The following PITPNM2 variants were observed in gnomAD, a reference collection of about 807,000 sequenced individuals.
PITPNM2 encodes phosphatidylinositol transfer protein membrane associated 2.
In PITPNM2, 35 loss-of-function variants were observed where a neutral mutation model predicts 132.2. The observed-to-expected ratio is 0.26, with a 90% CI of 0.20 to 0.35. The LOEUF is 0.35. Among genes scored for constraint, PITPNM2 ranks in the 10% least tolerant of loss-of-function variants. The probability of loss-of-function intolerance (pLI) is 1.00; values close to 1 mark genes in which losing one functional copy is unlikely to be tolerated. For synonymous variants in PITPNM2, 738 were observed against 799.2 expected (o/e 0.92, Z 1.29); for missense variants, 1,332 against 1,912.0 (o/e 0.70, Z 5.66).
intron 1 of PITPNM2, among the ~76,000 whole-genome samples, chr12:123,148,177 G>A (rs1218051626): frequency 6.6e-6 from 1 of 152,200 alleles, no homozygotes; most frequent in Non-Finnish European, 1.5e-5. Flanking sequence ...CTACAGAGAA[G>A]CTGTGCAAAG....
intron 1 of PITPNM2, chr12:123,149,869 T>C (rs1439762559): frequency 3.3e-5 from 5 of 152,064 alleles, no homozygotes; most frequent in African/African-American, 1.2e-4. Flanking sequence ...CAAAGACAGA[T>C]GTTCCAGTGA....
intron 3 of PITPNM2, among the ~76,000 whole-genome samples, chr12:123,020,660 G>A (rs541130859): frequency 2.0e-5 from 3 of 152,172 alleles, no homozygotes; most frequent in South Asian, 2.1e-4. Context: ...GGTACTTAGC[G>A]GCTTTATGAA....
chr12:123,076,595 TC>T (rs1195395193), intron 2 of PITPNM2, among the ~76,000 whole-genome samples: 2 of 152,176 alleles, frequency 1.3e-5, no homozygotes, highest in Non-Finnish European at 2.9e-5. Flanking sequence ...CCAATTCTGG[TC>T]CCACCCTCAA....
intron 2 of PITPNM2, among the ~76,000 whole-genome samples, chr12:123,060,120 A>G (rs2041182151): frequency 6.6e-6 from 1 of 152,190 alleles, no homozygotes. Context: ...GGCTCAGAGC[A>G]CAAATCGAGG....
rs6489252 is a variant in PITPNM2, at chr12:123,111,208, C to T, written c.-199-720G>A. ...CACAGACAAGCCGGGTAGCCCACCT[C>T]GCAGCTCAACACACATTCTTGTTTG... On this transcript the variant is annotated intron_variant, in intron 1 of 25. Coordinates refer to ENST00000320201, the MANE Select transcript of PITPNM2 (RefSeq NM_020845.3). This position sits in a 1 kb window ranked among gnomAD's most constrained non-coding sequence, Gnocchi z 4.1. 0.096 allele frequency among the ~76,000 whole-genome samples: 14,606 copies of T among 152,254 alleles called. 2,327 individuals are homozygous for T. The highest frequency in any genetic ancestry group is 0.33 in the African/African-American group (13,711 of 41,480).
chr12:123,138,258 G>C (rs1283516136), intron 1 of PITPNM2, among the ~76,000 whole-genome samples: 1 of 151,948 alleles, frequency 6.6e-6, no homozygotes, highest in Non-Finnish European at 1.5e-5. Flanking sequence ...ACCAGCCTGG[G>C]CAACATGGCA....
chr12:123,134,815 T>C (rs10846469), intron 1 of PITPNM2, among the ~76,000 whole-genome samples: 1,666 of 152,230 alleles, frequency 0.011, 41 homozygotes, highest in South Asian at 0.061. Context: ...CTGTTAGCCA[T>C]GGGACCTTGA....
chr12:123,140,190 C>G (rs910193543), intron 1 of PITPNM2, among the ~76,000 whole-genome samples: 15 of 152,196 alleles, frequency 9.9e-5, no homozygotes, highest in African/African-American at 3.6e-4. Context: ...GGCCCTATAA[C>G]TCCTGCTAAG....
intron 1 of PITPNM2, among the ~76,000 whole-genome samples, chr12:123,147,019 A>G (rs1250712772): frequency 6.6e-6 from 1 of 152,134 alleles, no homozygotes. Context: ...ATCTGGACCA[A>G]TTCTCTCCTT....
At position 123,106,182 on chromosome 12, in the gene PITPNM2, C is replaced by A. The variant is rs935861684; in HGVS notation, c.-96+4203G>T. On this transcript the variant is annotated intron_variant, in intron 2 of 25. Coordinates refer to ENST00000320201, the MANE Select transcript of PITPNM2 (RefSeq NM_020845.3). This position sits in a 1 kb window ranked among gnomAD's most constrained non-coding sequence, Gnocchi z 4.4. ...GAAGACATCCTTCTGAAGCACAATTCGACACAAGCCAGAGGAATGCAGGCT... is the reference window on the plus strand; with the variant it reads ...GAAGACATCCTTCTGAAGCACAATTAGACACAAGCCAGAGGAATGCAGGCT... 2.0e-5 allele frequency among the ~76,000 whole-genome samples: 3 copies of A among 152,322 alleles called. No homozygotes were observed. In the South Asian group the frequency reaches 6.2e-4, roughly 32 times the overall value.
At chr12:123,003,182 G>A (rs1158991544) in intron 8 of PITPNM2, among the ~76,000 whole-genome samples, 1 of 152,146 alleles carries the variant, frequency 6.6e-6, no homozygotes, top group Non-Finnish European at 1.5e-5. Context: ...GTGCTGCTAT[G>A]AACACCGCCT....
intron 3 of PITPNM2, among the ~76,000 whole-genome samples, chr12:123,019,918 C>A (rs1165976563): frequency 6.6e-6 from 1 of 151,926 alleles, no homozygotes; most frequent in African/African-American, 2.4e-5. Context: ...AGGCACTCAC[C>A]AGGCAGGGGT....
At chr12:123,057,106 C>T (rs952948299) in intron 2 of PITPNM2, among the ~76,000 whole-genome samples, 3 of 152,046 alleles carry the variant, frequency 2.0e-5, no homozygotes, top group Non-Finnish European at 4.4e-5. Context: ...TCAGGCCAGG[C>T]GTGGTGGTTC....
At position 123,064,749 on chromosome 12, in the gene PITPNM2, C is replaced by CA. The variant is rs34701888; in HGVS notation, c.-95-30065dup. On this transcript the variant is annotated intron_variant, in intron 2 of 25. Transcript: ENST00000320201. The surrounding 1 kb of genome is among the most constrained non-coding windows in gnomAD (Gnocchi z 4.0). The stretch of plus-strand genomic sequence containing the variant: ...GGGTAAGCACATCACCCTCACCCTG[C>CA]AAAAAAAAGCTAGTGGGAAACAAAC... Among the ~76,000 whole-genome samples the CA allele has an allele frequency of 4.6e-5, 7 of 151,700 alleles. No individual in the cohort carries two copies. Among genetic ancestry groups the CA allele is most frequent in the Admixed American group, 2.0e-4 (3 of 15,264 alleles).
chr12:123,104,250 C>T (rs1230320701), intron 2 of PITPNM2, among the ~76,000 whole-genome samples: 3 of 152,236 alleles, frequency 2.0e-5, no homozygotes, highest in Non-Finnish European at 4.4e-5. Context: ...CTTTAGAACA[C>T]ATCTGGGGCC....
chr12:123,085,373 C>G (rs574803007), intron 2 of PITPNM2, among the ~76,000 whole-genome samples: 14 of 152,158 alleles, frequency 9.2e-5, no homozygotes, highest in Non-Finnish European at 1.9e-4. Flanking sequence ...ACAACACAGA[C>G]AAACCTCAAA....
intron 2 of PITPNM2, among the ~76,000 whole-genome samples, chr12:123,055,192 C>G (rs971407651): frequency 1.3e-5 from 2 of 152,334 alleles, no homozygotes; most frequent in African/African-American, 2.4e-5. Flanking sequence ...CGAAGTCTGT[C>G]CTCTGAGTCC....
intron 2 of PITPNM2, among the ~76,000 whole-genome samples, chr12:123,071,913 C>T (rs1022036220): frequency 2.0e-5 from 3 of 152,180 alleles, no homozygotes; most frequent in Admixed American, 6.5e-5. Flanking sequence ...AGCCCAGTCC[C>T]GATCCTTTCC....
At chr12:123,021,410 C>A (rs1323440967) in intron 3 of PITPNM2, among the ~76,000 whole-genome samples, 1 of 152,202 alleles carries the variant, frequency 6.6e-6, no homozygotes, top group Admixed American at 6.5e-5. Flanking sequence ...TGGCTCACTG[C>A]AGCCTTGACC....
Sources: gnomAD v4.1 joint callset for allele counts (sites outside exome capture counted in the v4.1 genomes callset) on GRCh38, gnomAD v4.1.1 for gene constraint, Gnocchi (gnomAD v3.1) non-coding constraint, MANE v1.5 for transcripts, NCBI Gene and HGNC (gene_info 2026-07-23, HGNC 2026-07-21) for gene names.